CABLES2: variants seen among roughly 807,000 people sequenced by gnomAD.
CABLES2 encodes CDK5 and ABL1 enzyme substrate 2.
CABLES2 carries 35 observed loss-of-function variants against 44.8 expected under a neutral mutation model. The ratio of observed to expected loss-of-function variants is 0.78; its 90% CI spans 0.60 to 1.04. The LOEUF is 1.04. Ranked by LOEUF, CABLES2 falls within the 50% of genes least tolerant of loss-of-function variation. The pLI is 0.00. For synonymous variants in CABLES2, 282 were observed against 281.1 expected, an observed-to-expected ratio of 1.00 and a Z score of -0.03; for missense variants, 566 against 615.7, an observed-to-expected ratio of 0.92 and a Z score of 0.85.
chr20:62,394,968 C>T lies in CABLES2; in HGVS notation c.574G>A (p.Val192Ile), dbSNP rs1217888126. The T allele has an allele frequency of 1.9e-6, 3 of 1,613,004 alleles. No homozygotes were observed. Among genetic ancestry groups the T allele is most frequent in the East Asian group, 2.2e-5 (1 of 44,888 alleles). ...CGCAGGCCTTCCCCATAGGGCAGGA[C>T]CGAGAAGGCCGCGCACAGGGACCGC... ...AKRSLCAAFS[V>I]LPYGEGLRIS... The change falls in exon 4 of 10, where the codon GTC becomes ATC. Residue 192 changes from valine to isoleucine, a missense_variant. Physicochemically the swap from Val to Ile is conservative, Grantham distance 29. Coordinates refer to ENST00000279101, the MANE Select transcript of CABLES2 (RefSeq NM_031215.3).
intron 1 of CABLES2, chr20:62,405,677 G>A (rs1875231340): frequency 6.6e-6 from 1 of 152,356 alleles, no homozygotes; most frequent in Non-Finnish European, 1.5e-5. Flanking sequence ...GAAGGCCAGG[G>A]GCGTGGGGCA....
At position 62,396,878 on chromosome 20, in the gene CABLES2, C is replaced by A. The variant is rs765426486; in HGVS notation, c.363-286G>T. On this transcript the variant is annotated intron_variant, in intron 1 of 9. Coordinates refer to ENST00000279101, the MANE Select transcript of CABLES2 (RefSeq NM_031215.3). The surrounding 1 kb of genome is among the most constrained non-coding windows in gnomAD (Gnocchi z 5.7). Reference sequence around the variant, plus strand: ...GGATAGCACAGCACAGCACAGCACGCCAACCTGCCCTGCCCACCGAGGGTC... The same window carrying A: ...GGATAGCACAGCACAGCACAGCACGACAACCTGCCCTGCCCACCGAGGGTC... 1.3e-5 allele frequency among the ~76,000 whole-genome samples: 2 copies of A among 152,104 alleles called. No individual in the cohort carries two copies. Among genetic ancestry groups the A allele is most frequent in the African/African-American group, 4.8e-5 (2 of 41,428 alleles).
chr20:62,393,046 C>A lies in CABLES2; in HGVS notation c.881-23G>T, dbSNP rs201558880. 224 of 1,595,856 alleles carry A rather than the reference C, an allele frequency of 1.4e-4. 5 individuals carry two copies. In the East Asian group the frequency reaches 1.6e-3, roughly 12 times the overall value. Reference sequence around the variant, plus strand: ...TCCCTGTAAGAGAGGCAACCCCTGACCCACCAGGAGTCTTGAGCAGTACCC... The same window carrying A: ...TCCCTGTAAGAGAGGCAACCCCTGAACCACCAGGAGTCTTGAGCAGTACCC... On this transcript the variant is annotated intron_variant, in intron 6 of 9. Transcript: ENST00000279101.
chr20:62,401,483 G>C (rs2146428026), intron 1 of CABLES2, among the ~76,000 whole-genome samples: 1 of 152,340 alleles, frequency 6.6e-6, no homozygotes, highest in African/African-American at 2.4e-5. Flanking sequence ...CTGGAGGATG[G>C]GCTGGGAACC....
rs1988317775 is a variant in CABLES2 at position 62,407,247 on chromosome 20, C to G, written c.30G>C (p.Pro10=). The G allele has an allele frequency of 4.1e-6, 3 of 740,058 alleles. No homozygotes were observed. The highest frequency in any genetic ancestry group is 4.9e-6 in the Non-Finnish European group (3 of 609,918). 45.8% of individuals were successfully genotyped at this position (740,058 alleles called of 1,614,324 possible). The part of the protein sequence containing the change: MAAAAAGGA[P]GPAPGPAGPP... ...GCCCGGCGGGGCCGGGGGCCGGGCC[C>G]GGGGCTCCACCGGCCGCGGCCGCGG... The change falls in exon 1 of 10, where the codon CCG becomes CCC. Residue 10 remains proline (P), a synonymous_variant. Coordinates refer to ENST00000279101, the MANE Select transcript of CABLES2 (RefSeq NM_031215.3).
At position 62,390,631 on chromosome 20, in the gene CABLES2, C is replaced by T. The variant is rs571977094; in HGVS notation, c.*340G>A. On this transcript the variant is annotated 3_prime_UTR_variant, in exon 10 of 10. Coordinates refer to ENST00000279101, the MANE Select transcript of CABLES2 (RefSeq NM_031215.3). ...GAGGCCAGGGGAGACACACTGCAGC[C>T]GGCTCGCTGCTGCACGCTGTGAACA... 30 of 296,282 alleles carry T rather than the reference C, an allele frequency of 1.0e-4. No homozygotes were observed. In the Middle Eastern group the frequency reaches 3.2e-3, roughly 32 times the overall value. The allele number at this position is 296,282 out of a possible 1,614,324, so 18.4% of individuals were successfully genotyped here.
chr20:62,396,002 AG>A lies in CABLES2; in HGVS notation c.527+312del, dbSNP rs1207774649. Among the ~76,000 whole-genome samples the A allele has an allele frequency of 6.6e-6, 1 of 152,160 alleles. No homozygotes were observed. Among genetic ancestry groups the A allele is most frequent in the African/African-American group, 2.4e-5 (1 of 41,432 alleles). On this transcript the variant is annotated intron_variant, in intron 3 of 9. Transcript: ENST00000279101. The surrounding 1 kb of genome is among the most constrained non-coding windows in gnomAD (Gnocchi z 5.7). ...CAGCCCTCCTCCCCACACATCTCAC[AG>A]CCACACCCGTTTCTGTGTCTCCAGT...
chr20:62,395,194 G>C (rs1018793241), intron 3 of CABLES2, among the ~76,000 whole-genome samples, 180 bp from the exon 4 acceptor site: 1 of 152,248 alleles, frequency 6.6e-6, no homozygotes, highest in African/African-American at 2.4e-5. Flanking sequence ...CCGTCACTAA[G>C]CCTGGCCCCC....
Position 62,396,424 on chromosome 20 carries a change from A to T in CABLES2, c.435-17T>A, listed in dbSNP as rs1988021345. 6.2e-7 allele frequency: 1 copy of T among 1,613,548 alleles called. No individual in the cohort carries two copies. Among genetic ancestry groups the T allele is most frequent in the Non-Finnish European group, 8.5e-7 (1 of 1,179,654 alleles). ...TGTTTGGTTCTGCAAGGCAAAGGAC[A>T]CAGGTCACTCTTTTCCTCCCAGGAC... On this transcript the variant is annotated splice_polypyrimidine_tract_variant and intron_variant, in intron 2 of 9. Transcript: ENST00000279101. This position sits in a 1 kb window ranked among gnomAD's most constrained non-coding sequence, Gnocchi z 5.7.
intron 1 of CABLES2, among the ~76,000 whole-genome samples, chr20:62,398,143 T>TGGC (rs1988097712): frequency 7.6e-6 from 1 of 131,386 alleles, no homozygotes; most frequent in Non-Finnish European, 1.6e-5. Context: ...GTGGTGATGG[T>TGGC]GGTGGTGGTG....
chr20:62,397,553 C>T lies in CABLES2; in HGVS notation c.363-961G>A, dbSNP rs144883656. Among the ~76,000 whole-genome samples, 41 of 152,330 alleles carry T rather than the reference C, an allele frequency of 2.7e-4. No homozygotes were observed. In the East Asian group the frequency reaches 5.6e-3, roughly 21 times the overall value. Reference sequence around the variant, plus strand: ...CAGACCCTCAACACTCGGGACCAAGCGAGGCCATCCTGATGCGGAGACATG... The same window carrying T: ...CAGACCCTCAACACTCGGGACCAAGTGAGGCCATCCTGATGCGGAGACATG... On this transcript the variant is annotated intron_variant, in intron 1 of 9. Transcript: ENST00000279101.
At chr20:62,394,520 A>AGGTACATGC (rs1987980101) in intron 4 of CABLES2, among the ~76,000 whole-genome samples, 1 of 152,170 alleles carries the variant, frequency 6.6e-6, no homozygotes, top group African/African-American at 2.4e-5. Context: ...CACCTTCACT[A>AGGTACATGC]GCCCACTAGG....
chr20:62,400,177 C>G (rs1022254740), intron 1 of CABLES2, among the ~76,000 whole-genome samples: 21 of 151,922 alleles, frequency 1.4e-4, no homozygotes, highest in African/African-American at 5.1e-4. Context: ...CGGATGGCTG[C>G]AGAAGGTGGG....
chr20:62,392,607 G>A (rs1987940055), intron 7 of CABLES2, 112 bp from the exon 8 acceptor site: 2 of 818,854 alleles, frequency 2.4e-6, no homozygotes, highest in South Asian at 1.5e-5. Context: ...TGCATACGGT[G>A]TGGCTTGAGA....
chr20:62,393,449 TGC>T lies in CABLES2; in HGVS notation c.869_870del (p.Ser290AsnfsTer6). On this transcript the variant is annotated frameshift_variant, in exon 6 of 10. Transcript: ENST00000279101. LOFTEE classifies it high-confidence loss of function. ...AAGGCACGTGGGCTACCTAGTTCTG[TGC>T]TGGCTGGTGCCGACTTGGTGGGGGC... ...KPAPTKSAPA[S>X]TELGSDVGDT... 1 of 1,606,660 alleles carries T rather than the reference TGC, an allele frequency of 6.2e-7. No homozygotes were observed. Among genetic ancestry groups the T allele is most frequent in the Non-Finnish European group, 8.5e-7 (1 of 1,176,144 alleles).
chr20:62,396,249 A>G lies in CABLES2; in HGVS notation c.527+66T>C. The G allele has an allele frequency of 7.4e-7, 1 of 1,356,356 alleles. No homozygotes were observed. The highest frequency in any genetic ancestry group is 1.1e-6 in the Non-Finnish European group (1 of 948,088). 84.0% of individuals were successfully genotyped at this position (1,356,356 alleles called of 1,614,324 possible). The stretch of plus-strand genomic sequence containing the variant: ...GTGGAGGGAAGATTGCTTGGCTGAC[A>G]GGGGCAGGACCCCGTGGGCTTATGG... On this transcript the variant is annotated intron_variant, in intron 3 of 9. Coordinates refer to ENST00000279101, the MANE Select transcript of CABLES2 (RefSeq NM_031215.3). This position sits in a 1 kb window ranked among gnomAD's most constrained non-coding sequence, Gnocchi z 5.7.
At position 62,391,090 on chromosome 20, in the gene CABLES2, A is replaced by G; in HGVS notation, c.1318T>C (p.Phe440Leu). ...LIDKLEERFR[F>L]NRRDLIGFEF... is the part of the protein sequence containing the mutation. The stretch of plus-strand genomic sequence containing the variant: ...AACCCTATCAGGTCGCGCCTGTTGA[A>G]TCGAAACCTTTCTTCTAACTTCTGC... Residue 440 changes from phenylalanine to leucine, a missense_variant, in exon 10 of 10, where the codon TTC (phenylalanine) becomes CTC (leucine). Physicochemically the swap from Phe to Leu is conservative, Grantham distance 22. Coordinates refer to ENST00000279101, the MANE Select transcript of CABLES2 (RefSeq NM_031215.3). The surrounding 1 kb of genome is among the most constrained non-coding windows in gnomAD (Gnocchi z 5.7). 1 of 1,614,062 alleles carries G rather than the reference A, an allele frequency of 6.2e-7. No homozygotes were observed. Among genetic ancestry groups the G allele is most frequent in the Middle Eastern group, 1.6e-4 (1 of 6,062 alleles).
Position 62,396,434 on chromosome 20 carries a change from CT to C in CABLES2, c.435-28del. On this transcript the variant is annotated intron_variant, in intron 2 of 9. Transcript: ENST00000279101. The surrounding 1 kb of genome is among the most constrained non-coding windows in gnomAD (Gnocchi z 5.7). ...TGCAAGGCAAAGGACACAGGTCACTCTTTTCCTCCCAGGACCCTCTGGCCCC... is the reference window on the plus strand; with the variant it reads ...TGCAAGGCAAAGGACACAGGTCACTCTTTCCTCCCAGGACCCTCTGGCCCC... 1 of 1,613,678 alleles carries C rather than the reference CT, an allele frequency of 6.2e-7. No homozygotes were observed. Among genetic ancestry groups the C allele is most frequent in the Non-Finnish European group, 8.5e-7 (1 of 1,179,706 alleles).
intron 3 of CABLES2, among the ~76,000 whole-genome samples, chr20:62,395,763 C>T (rs540268247): frequency 1.2e-4 from 19 of 152,162 alleles, no homozygotes; most frequent in African/African-American, 3.6e-4. Context: ...GGAGGGTGCC[C>T]GGCAGGGGGA....
Sources: allele counts gnomAD v4.1 joint callset (sites outside exome capture counted in the v4.1 genomes callset), GRCh38; gene constraint gnomAD v4.1.1; non-coding constraint Gnocchi (gnomAD v3.1); transcripts MANE v1.5; gene names NCBI Gene and HGNC (gene_info 2026-07-23, HGNC 2026-07-21).